The following GAS2 variants were observed in gnomAD, a reference collection of about 807,000 sequenced individuals.
GAS2 encodes the protein growth arrest-specific protein 2.
In GAS2, 20 loss-of-function variants were observed where a neutral mutation model predicts 37.5. That is an observed-to-expected ratio of 0.53 (90% CI 0.37 to 0.77). The LOEUF is 0.77. GAS2 is among the 30% of genes least tolerant of loss of function. The pLI is 0.00. For synonymous variants in GAS2, 144 were observed against 132.2 expected, an observed-to-expected ratio of 1.09 and a Z score of -0.61; for missense variants, 336 against 373.4, an observed-to-expected ratio of 0.90 and a Z score of 0.82.
At chr11:22,728,417 A>C (rs978687482) in intron 4 of GAS2, among the ~76,000 whole-genome samples, 1 of 151,848 alleles carries the variant, frequency 6.6e-6, no homozygotes, top group Non-Finnish European at 1.5e-5. Flanking sequence ...ACCCTGGTAT[A>C]TAAATGCATA....
chr11:22,676,029 C>G lies in GAS2; in HGVS notation c.145+1015C>G, dbSNP rs188826854. ...ATTTATTTATTTTTTAGTCCTTATC[C>G]TAGGATTTCTTTATCCTATATTTCT... On this transcript the variant is annotated intron_variant, in intron 2 of 7. Coordinates refer to ENST00000454584, the MANE Select transcript of GAS2 (RefSeq NM_001143830.3). 7.6e-4 allele frequency among the ~76,000 whole-genome samples: 115 copies of G among 152,186 alleles called. 1 individual carries two copies. Among genetic ancestry groups the G allele is most frequent in the Non-Finnish European group, 1.3e-4 (9 of 67,960 alleles).
At chr11:22,781,397 A>G (rs1855549688) in intron 7 of GAS2, among the ~76,000 whole-genome samples, 1 of 152,192 alleles carries the variant, frequency 6.6e-6, no homozygotes, top group Non-Finnish European at 1.5e-5. Flanking sequence ...CGCCTCTGCT[A>G]CTGAAGCAGG....
chr11:22,635,290 T>C (rs1046193787), intron 1 of GAS2, among the ~76,000 whole-genome samples: 1 of 152,200 alleles, frequency 6.6e-6, no homozygotes, highest in African/African-American at 2.4e-5. Flanking sequence ...GCAGCAGCTC[T>C]AGTGGAGATC....
intron 4 of GAS2, among the ~76,000 whole-genome samples, chr11:22,732,811 TCAC>T (rs1554975917): frequency 6.7e-6 from 1 of 148,676 alleles, no homozygotes; most frequent in African/African-American, 2.5e-5. Flanking sequence ...ATCATCATCA[TCAC>T]CACCACCATT....
chr11:22,666,012 G>A (rs951708623), upstream of GAS2, among the ~76,000 whole-genome samples: 1 of 152,246 alleles, frequency 6.6e-6, no homozygotes, highest in Non-Finnish European at 1.5e-5. Context: ...GTGGTAACCT[G>A]TGGGGATCAG....
chr11:22,685,060 G>T (rs906181012), intron 2 of GAS2, among the ~76,000 whole-genome samples: 1 of 151,982 alleles, frequency 6.6e-6, no homozygotes, highest in East Asian at 1.9e-4. Context: ...AGTACTTTTG[G>T]AGGCCGAGGC....
intron 3 of GAS2, among the ~76,000 whole-genome samples, chr11:22,699,770 A>T (rs1850735285): frequency 6.6e-6 from 1 of 152,170 alleles, no homozygotes; most frequent in Admixed American, 6.6e-5. Context: ...ATACACAAGC[A>T]CTGAGTGGTA....
chr11:22,684,160 A>G (rs1283917755), intron 2 of GAS2, among the ~76,000 whole-genome samples: 5 of 152,188 alleles, frequency 3.3e-5, no homozygotes, highest in Admixed American at 2.6e-4. Flanking sequence ...TAGATCACGG[A>G]GTAGGGTGTA....
At chr11:22,790,743 G>A (rs1029116243) in intron 7 of GAS2, among the ~76,000 whole-genome samples, 2 of 151,818 alleles carry the variant, frequency 1.3e-5, no homozygotes, top group Admixed American at 1.3e-4. Flanking sequence ...GATTACAGGC[G>A]TGAGCCACCA....
intron 1 of GAS2, among the ~76,000 whole-genome samples, chr11:22,653,374 A>C (rs1848819132): frequency 6.6e-6 from 1 of 152,186 alleles, no homozygotes; most frequent in Non-Finnish European, 1.5e-5. Flanking sequence ...GGACTCAATG[A>C]AATGTTTGCC....
At chr11:22,653,272 G>T (rs1397644461) in intron 1 of GAS2, among the ~76,000 whole-genome samples, 1 of 151,998 alleles carries the variant, frequency 6.6e-6, no homozygotes, top group Non-Finnish European at 1.5e-5. Flanking sequence ...AAAGAGAGCT[G>T]TTATCATTTA....
chr11:22,705,504 G>T (rs1851069518), intron 3 of GAS2, among the ~76,000 whole-genome samples: 1 of 152,106 alleles, frequency 6.6e-6, no homozygotes. Flanking sequence ...GAAGACTAAA[G>T]CATTATTGGG....
At chr11:22,682,726 A>C (rs575613923) in intron 2 of GAS2, among the ~76,000 whole-genome samples, 1 of 151,826 alleles carries the variant, frequency 6.6e-6, no homozygotes, top group Non-Finnish European at 1.5e-5. Flanking sequence ...AAAAATACCA[A>C]AATTAGGTGG....
chr11:22,755,711 A>G, intron 6 of GAS2, 135 bp from the exon 7 acceptor site: 1 of 603,698 alleles, frequency 1.7e-6, no homozygotes, highest in Non-Finnish European at 2.9e-6. Context: ...TGATATTCCT[A>G]TGCTCACATG....
At chr11:22,683,468 G>A (rs567359023) in intron 2 of GAS2, among the ~76,000 whole-genome samples, 24 of 152,170 alleles carry the variant, frequency 1.6e-4, no homozygotes, top group African/African-American at 5.3e-4. Context: ...GTTTCACCAA[G>A]TTAGCCAAGT....
At chr11:22,744,384 G>A (rs1239200970) in intron 5 of GAS2, among the ~76,000 whole-genome samples, 3 of 151,926 alleles carry the variant, frequency 2.0e-5, no homozygotes, top group Non-Finnish European at 4.4e-5. Context: ...CTGAACACAG[G>A]TGCAAAAATT....
At chr11:22,678,944 A>T (rs1403618049) in intron 2 of GAS2, among the ~76,000 whole-genome samples, 1 of 152,068 alleles carries the variant, frequency 6.6e-6, no homozygotes, top group Non-Finnish European at 1.5e-5. Flanking sequence ...TAAAGCATCA[A>T]CTGCAAACTT....
At chr11:22,690,818 G>A (rs906249281) in intron 3 of GAS2, among the ~76,000 whole-genome samples, 1 of 151,926 alleles carries the variant, frequency 6.6e-6, no homozygotes, top group Non-Finnish European at 1.5e-5. Flanking sequence ...TTCTTTTCCC[G>A]GTCCAAATAG....
At chr11:22,638,052 G>A (rs1247792789) in intron 1 of GAS2, among the ~76,000 whole-genome samples, 1 of 151,958 alleles carries the variant, frequency 6.6e-6, no homozygotes, top group Non-Finnish European at 1.5e-5. Flanking sequence ...ACTGTGTGGT[G>A]CAAATACTCA....
Sources: allele counts gnomAD v4.1 joint callset (sites outside exome capture counted in the v4.1 genomes callset), GRCh38; gene constraint gnomAD v4.1.1; transcripts MANE v1.5; gene names NCBI Gene and HGNC (gene_info 2026-07-23, HGNC 2026-07-21).